The following CBFA2T2 variants were observed in gnomAD, a reference collection of about 807,000 sequenced individuals.
CBFA2T2 encodes the protein protein CBFA2T2.
CBFA2T2 carries 11 observed loss-of-function variants against 62.2 expected under a neutral mutation model. That is an observed-to-expected ratio of 0.18 (90% CI 0.11 to 0.29). The LOEUF (loss-of-function observed/expected upper bound fraction) is 0.29, where lower values mean the gene tolerates loss of function less well. CBFA2T2 is among the 10% of genes least tolerant of loss of function. The pLI, the probability that CBFA2T2 is intolerant of heterozygous loss-of-function variation, is 1.00. For missense variants in CBFA2T2, 592 were observed against 774.1 expected (o/e 0.76, Z 2.79); for synonymous variants, 295 against 287.5 (o/e 1.03, Z -0.27).
chr20:33,526,457 C>A (rs1025635996), intron 1 of CBFA2T2, among the ~76,000 whole-genome samples: 2 of 152,140 alleles, frequency 1.3e-5, no homozygotes, highest in African/African-American at 4.8e-5. Context: ...ATCTATTATA[C>A]CACATTTTGT....
chr20:33,565,001 G>A (rs2013246189), intron 1 of CBFA2T2, among the ~76,000 whole-genome samples: 2 of 151,552 alleles, frequency 1.3e-5, no homozygotes, highest in African/African-American at 4.9e-5. Flanking sequence ...CTGACTGCAA[G>A]CTCCACCTCC....
At chr20:33,595,697 C>T (rs1193460667) in intron 1 of CBFA2T2, among the ~76,000 whole-genome samples, 1 of 151,920 alleles carries the variant, frequency 6.6e-6, no homozygotes, top group African/African-American at 2.4e-5. Flanking sequence ...CGCCACCACT[C>T]CCAGCTAAAT....
At chr20:33,531,140 G>C (rs937731150) in intron 1 of CBFA2T2, among the ~76,000 whole-genome samples, 3 of 152,182 alleles carry the variant, frequency 2.0e-5, no homozygotes, top group Admixed American at 6.5e-5. Flanking sequence ...GGGACGAATT[G>C]AGAGCAAGGG....
At chr20:33,629,644 G>C (rs1316966397) in intron 7 of CBFA2T2, 75 bp from the exon 8 acceptor site, 1 of 1,317,166 alleles carries the variant, frequency 7.6e-7, no homozygotes. Context: ...TCCTCATATT[G>C]CGTTGGCCTG....
At chr20:33,542,683 G>T (rs908261674) in intron 1 of CBFA2T2, among the ~76,000 whole-genome samples, 2 of 151,878 alleles carry the variant, frequency 1.3e-5, no homozygotes, top group Non-Finnish European at 2.9e-5. Context: ...TTTTTTTGGG[G>T]GGTTCAGGAA....
chr20:33,541,430 G>A (rs1372387009), intron 1 of CBFA2T2, among the ~76,000 whole-genome samples: 1 of 152,212 alleles, frequency 6.6e-6, no homozygotes, highest in Non-Finnish European at 1.5e-5. Context: ...GTATGGAAGG[G>A]ATTTGAAATT....
intron 1 of CBFA2T2, among the ~76,000 whole-genome samples, chr20:33,586,241 C>T (rs953761128): frequency 4.6e-5 from 7 of 151,992 alleles, no homozygotes; most frequent in East Asian, 1.9e-4. Flanking sequence ...TGCAGTGGCA[C>T]AATATCAGCT....
At chr20:33,491,140 G>T (rs1451353317) in intron 1 of CBFA2T2, among the ~76,000 whole-genome samples, 1 of 152,054 alleles carries the variant, frequency 6.6e-6, no homozygotes, top group Non-Finnish European at 1.5e-5. Flanking sequence ...CTCTGAATAA[G>T]AACAATAAAA....
chr20:33,490,162 C>A lies in CBFA2T2; in HGVS notation c.-106C>A. The A allele has an allele frequency of 8.9e-7, 1 of 1,126,750 alleles. No individual in the cohort carries two copies. Among genetic ancestry groups the A allele is most frequent in the Non-Finnish European group, 1.1e-6 (1 of 904,896 alleles). 69.8% of individuals were successfully genotyped at this position (1,126,750 alleles called of 1,614,324 possible). ...GTTAGCTCGGCGGCTGCAGATCTCG[C>A]GGCGACGCCTGCGAGGGACCCGGGC... On this transcript the variant is annotated 5_prime_UTR_variant, in exon 1 of 11. Transcript: ENST00000342704.
rs531776269 is a variant in CBFA2T2 at position 33,538,069 on chromosome 20, C to T, written c.34+47768C>T. Among the ~76,000 whole-genome samples the T allele has an allele frequency of 6.7e-5, 10 of 149,630 alleles. No individual in the cohort carries two copies. In the South Asian group the frequency reaches 1.7e-3, roughly 25 times the overall value. On this transcript the variant is annotated intron_variant, in intron 1 of 10. Transcript: ENST00000342704. ...TGAATCTGTTTGGGGGAAGAGCTGACGTCTTAACAGTTTAGGAGAGATACA... is the reference window on the plus strand; with the variant it reads ...TGAATCTGTTTGGGGGAAGAGCTGATGTCTTAACAGTTTAGGAGAGATACA...
At chr20:33,502,529 G>A (rs1432280871) in intron 1 of CBFA2T2, among the ~76,000 whole-genome samples, 2 of 151,416 alleles carry the variant, frequency 1.3e-5, no homozygotes, top group Non-Finnish European at 2.9e-5. Context: ...TCAGCCTTCC[G>A]AGTAGCTGGG....
intron 1 of CBFA2T2, among the ~76,000 whole-genome samples, chr20:33,551,204 C>T (rs1246453302): frequency 6.6e-6 from 1 of 150,722 alleles, no homozygotes; most frequent in East Asian, 1.9e-4. Context: ...TTTTGACTTC[C>T]ATTTATTTTC....
chr20:33,558,281 G>A (rs367936843), intron 1 of CBFA2T2, among the ~76,000 whole-genome samples: 3 of 151,798 alleles, frequency 2.0e-5, no homozygotes, highest in Admixed American at 1.3e-4. Flanking sequence ...ACAGGAGTGC[G>A]CCATCTTGCC....
Position 33,590,426 on chromosome 20 carries a change from G to GT in CBFA2T2, c.35-16521dup, listed in dbSNP as rs907117682. Among the ~76,000 whole-genome samples the GT allele has an allele frequency of 1.0e-3, 152 of 146,894 alleles. 1 individual carries two copies. Among genetic ancestry groups the GT allele is most frequent in the African/African-American group, 3.6e-3 (134 of 37,376 alleles). ...GATTGCGTTAAACACATCTAGCTTT[G>GT]TTTTTTTTTCTTGGCCCCCACAAAG... is the stretch of plus-strand genomic sequence containing the variant. On this transcript the variant is annotated intron_variant, in intron 1 of 10. Transcript: ENST00000342704.
chr20:33,524,262 T>C (rs575428035), intron 1 of CBFA2T2, among the ~76,000 whole-genome samples: 1 of 152,296 alleles, frequency 6.6e-6, no homozygotes, highest in East Asian at 1.9e-4. Context: ...GATTGTTACC[T>C]GTCACAAGTC....
chr20:33,566,558 A>G (rs1040135286), intron 1 of CBFA2T2, among the ~76,000 whole-genome samples: 4 of 152,042 alleles, frequency 2.6e-5, no homozygotes, highest in Admixed American at 6.6e-5. Context: ...GGGAGCTGAG[A>G]TCATGCCACT....
At chr20:33,555,606 A>C (rs985522018) in intron 1 of CBFA2T2, among the ~76,000 whole-genome samples, 1 of 152,136 alleles carries the variant, frequency 6.6e-6, no homozygotes, top group African/African-American at 2.4e-5. Flanking sequence ...TTTTATCCCT[A>C]AATACTTAAA....
intron 1 of CBFA2T2, among the ~76,000 whole-genome samples, chr20:33,601,574 A>AT (rs1008995064): frequency 1.3e-5 from 2 of 151,952 alleles, no homozygotes; most frequent in Non-Finnish European, 2.9e-5. Flanking sequence ...CTGGAGTCTG[A>AT]TTTTTTTATA....
At chr20:33,592,710 C>T (rs896600984) in intron 1 of CBFA2T2, among the ~76,000 whole-genome samples, 2 of 151,952 alleles carry the variant, frequency 1.3e-5, no homozygotes, top group East Asian at 3.9e-4. Context: ...ATACAAAATT[C>T]ATGCAACATT....
Sources: gnomAD v4.1 joint callset for allele counts (sites outside exome capture counted in the v4.1 genomes callset) on GRCh38, gnomAD v4.1.1 for gene constraint, MANE v1.5 for transcripts, NCBI Gene and HGNC (gene_info 2026-07-23, HGNC 2026-07-21) for gene names.